The following DAB1 variants were observed in gnomAD, a reference collection of about 807,000 sequenced individuals.
DAB1 encodes DAB adaptor protein 1, also known as disabled homolog 1.
A neutral mutation model predicts 64.6 loss-of-function variants in DAB1; 15 were observed. The observed-to-expected ratio is 0.23, with a 90% CI of 0.16 to 0.36. The LOEUF (loss-of-function observed/expected upper bound fraction) is 0.36. DAB1 is among the 10% of genes least tolerant of loss of function. The pLI, the probability that DAB1 is intolerant of heterozygous loss-of-function variation, is 1.00. For missense variants in DAB1, 596 were observed against 706.7 expected (o/e 0.84, Z 1.78); for synonymous variants, 235 against 251.9 (o/e 0.93, Z 0.64).
In DAB1 at chr1:57,760,044, G is replaced by A. The variant is rs1320430116; in HGVS notation, n.552-110379C>T. ...GAATAGAAGAGGAACGGAAGGAAGC[G>A]ATTCTCCACAAATGAAGTTTGTGGA... On this transcript the variant is annotated intron_variant and non_coding_transcript_variant, in intron 6 of 20. Transcript: ENST00000485760. 5.3e-5 allele frequency among the ~76,000 whole-genome samples: 8 copies of A among 152,028 alleles called. No individual in the cohort carries two copies. The East Asian group carries it at 7.7e-4, about 15-fold the overall frequency.
intron 1 of DAB1, among the ~76,000 whole-genome samples, chr1:57,397,242 T>C (rs1464908135): frequency 1.3e-5 from 2 of 152,152 alleles, no homozygotes; most frequent in Non-Finnish European, 2.9e-5. Flanking sequence ...AAACTTTTGG[T>C]GGTAAACAGA....
intron 7 of DAB1, among the ~76,000 whole-genome samples, chr1:57,489,507 G>A (rs1644135622): frequency 6.6e-6 from 1 of 152,122 alleles, no homozygotes; most frequent in South Asian, 2.1e-4. Context: ...CCTCCAGGCT[G>A]ACTCCGTTTC....
At chr1:57,692,635 G>A (rs528973262) in intron 6 of DAB1, among the ~76,000 whole-genome samples, 2 of 152,176 alleles carry the variant, frequency 1.3e-5, no homozygotes, top group South Asian at 4.2e-4. Context: ...ACCAGCCAAG[G>A]CATATTCTTC....
rs567002667 is a variant in DAB1 at position 57,007,709 on chromosome 1, A to G, written c.*15+2971T>C. Among the ~76,000 whole-genome samples, 5 of 152,266 alleles carry G rather than the reference A, an allele frequency of 3.3e-5. No individual in the cohort carries two copies. The East Asian group carries it at 5.8e-4, about 18-fold the overall frequency. On this transcript the variant is annotated intron_variant, in intron 14 of 14. Coordinates refer to ENST00000371236, the MANE Select transcript of DAB1 (RefSeq NM_001365792.1). Reference sequence around the variant, plus strand: ...ACTGTGCAGGTATTTCTAATAAAAAACAGCTGGTGATAATGGTTGCAAGGG... The same window carrying G: ...ACTGTGCAGGTATTTCTAATAAAAAGCAGCTGGTGATAATGGTTGCAAGGG...
chr1:58,443,499 A>G (rs1286576745), intron 3 of DAB1, among the ~76,000 whole-genome samples: 1 of 152,228 alleles, frequency 6.6e-6, no homozygotes, highest in Non-Finnish European at 1.5e-5. Context: ...ATAGACAAAG[A>G]GCATTAGTGG....
intron 5 of DAB1, among the ~76,000 whole-genome samples, chr1:58,049,761 T>A (rs1647509850): frequency 6.6e-6 from 1 of 152,142 alleles, no homozygotes; most frequent in Admixed American, 6.5e-5. Flanking sequence ...TATTACATGA[T>A]CACTATTTAT....
At chr1:57,203,125 C>G (rs1028955198) in intron 2 of DAB1, among the ~76,000 whole-genome samples, 7 of 152,102 alleles carry the variant, frequency 4.6e-5, no homozygotes, top group Admixed American at 2.0e-4. Flanking sequence ...AACAGAGGAA[C>G]ACAAAAAACA....
At chr1:58,093,123 T>C (rs1159983633) in intron 5 of DAB1, among the ~76,000 whole-genome samples, 2 of 152,154 alleles carry the variant, frequency 1.3e-5, no homozygotes, top group Admixed American at 1.3e-4. Flanking sequence ...CTTTTTCGAC[T>C]GATGAACTAT....
At chr1:57,079,919 T>G (rs1184158828) in intron 4 of DAB1, among the ~76,000 whole-genome samples, 1 of 152,172 alleles carries the variant, frequency 6.6e-6, no homozygotes, top group Non-Finnish European at 1.5e-5. Flanking sequence ...TTTGCCATTA[T>G]GTATGGGGAT....
chr1:57,428,918 CTTT>C (rs61125096), upstream of DAB1, among the ~76,000 whole-genome samples: 1 of 135,496 alleles, frequency 7.4e-6, no homozygotes, highest in African/African-American at 2.7e-5. Flanking sequence ...TTGTTGTTTG[CTTT>C]TTTTTTTTTG....
intron 7 of DAB1, among the ~76,000 whole-genome samples, chr1:57,431,689 C>G (rs1290368366): frequency 1.3e-5 from 2 of 152,152 alleles, no homozygotes; most frequent in African/African-American, 2.4e-5. Context: ...TAGCTAAATG[C>G]ACAGTAGAAA....
chr1:57,464,249 G>A (rs1686883447), intron 7 of DAB1, among the ~76,000 whole-genome samples: 1 of 152,070 alleles, frequency 6.6e-6, no homozygotes, highest in African/African-American at 2.4e-5. Flanking sequence ...CATTTGTAAT[G>A]CCCTCTTTCA....
chr1:57,804,975 T>A (rs1557490526), intron 6 of DAB1, among the ~76,000 whole-genome samples: 1 of 152,194 alleles, frequency 6.6e-6, no homozygotes, highest in Admixed American at 6.5e-5. Context: ...GAGAAAGCTA[T>A]CCCAGAGGGG....
Position 57,993,015 on chromosome 1 carries a change from G to GA in DAB1, n.388-108854dup, listed in dbSNP as rs1646370208. Among the ~76,000 whole-genome samples the GA allele has an allele frequency of 3.3e-5, 5 of 152,090 alleles. No individual in the cohort carries two copies. In the South Asian group the frequency reaches 8.3e-4, roughly 25 times the overall value. The stretch of plus-strand genomic sequence containing the variant: ...TCTCAGTACACCTTTTTATGAGCAA[G>GA]AAAAAACTGAGGTTGACAGAAGTGG... On this transcript the variant is annotated intron_variant and non_coding_transcript_variant, in intron 5 of 20. Transcript: ENST00000485760.
At chr1:57,616,961 G>C (rs566149179) in intron 7 of DAB1, among the ~76,000 whole-genome samples, 3 of 152,168 alleles carry the variant, frequency 2.0e-5, no homozygotes, top group Admixed American at 2.0e-4. Context: ...GGTACGCAAA[G>C]GAATTTTGAC....
chr1:57,529,659 G>A (rs988491875), intron 7 of DAB1, among the ~76,000 whole-genome samples: 1 of 152,094 alleles, frequency 6.6e-6, no homozygotes, highest in African/African-American at 2.4e-5. Flanking sequence ...TAAAGAAAAG[G>A]TCAATTCATC....
chr1:58,048,701 C>G, intron 5 of DAB1: 4 of 1,326,958 alleles, frequency 3.0e-6, no homozygotes, highest in Non-Finnish European at 4.3e-6. Context: ...GTTTCCAGAA[C>G]CACTTCACCT....
intron 4 of DAB1, among the ~76,000 whole-genome samples, chr1:58,306,043 A>G (rs1662301432): frequency 6.8e-6 from 1 of 147,230 alleles, no homozygotes; most frequent in Non-Finnish European, 1.5e-5. Flanking sequence ...CAGCCCTTCC[A>G]GGGCAGACAC....
chr1:57,237,417 A>G (rs1668175147), intron 2 of DAB1, among the ~76,000 whole-genome samples: 1 of 152,212 alleles, frequency 6.6e-6, no homozygotes, highest in Non-Finnish European at 1.5e-5. Flanking sequence ...TGCTACCTTT[A>G]TCATTCATCC....
Sources: gnomAD v4.1 joint callset for allele counts (sites outside exome capture counted in the v4.1 genomes callset) on GRCh38, gnomAD v4.1.1 for gene constraint, MANE v1.5 for transcripts, NCBI Gene and HGNC (gene_info 2026-07-23, HGNC 2026-07-21) for gene names.